EFEMP1: variants seen among roughly 807,000 people sequenced by gnomAD.
EFEMP1 encodes the protein EGF-containing fibulin-like extracellular matrix protein 1.
In EFEMP1, 18 loss-of-function variants were observed where a neutral mutation model predicts 65.7. The observed-to-expected ratio is 0.27, with a 90% CI of 0.19 to 0.41. EFEMP1 has a LOEUF of 0.41. Ranked by LOEUF, EFEMP1 falls within the 10% of genes least tolerant of loss-of-function variation. The pLI, the probability that EFEMP1 is intolerant of heterozygous loss-of-function variation, is 1.00. For synonymous variants in EFEMP1, 237 were observed against 219.7 expected, an observed-to-expected ratio of 1.08 and a Z score of -0.70; for missense variants, 469 against 624.8, an observed-to-expected ratio of 0.75 and a Z score of 2.66.
Position 55,918,271 on chromosome 2 carries a change from TG to T in EFEMP1, c.82-5del, listed in dbSNP as rs1196748010. On this transcript the variant is annotated splice_region_variant and splice_polypyrimidine_tract_variant and intron_variant, in intron 3 of 11. Transcript: ENST00000355426. ...ACTCATATCCGTCAGTGCATTGCTG[TG>T]AAGAAAACATCAAAGGTGGGGCCAG... The T allele has an allele frequency of 6.2e-7, 1 of 1,614,072 alleles. No homozygotes were observed. The highest frequency in any genetic ancestry group is 1.7e-5 in the Admixed American group (1 of 60,010).
intron 5 of EFEMP1, among the ~76,000 whole-genome samples, chr2:55,909,050 G>A (rs1021527280): frequency 1.8e-4 from 28 of 152,104 alleles, no homozygotes; most frequent in African/African-American, 6.8e-4. Flanking sequence ...CGGGGACAAG[G>A]TATCTGAGAC....
At chr2:55,881,834 A>G (rs1429940182) in intron 5 of EFEMP1, 100 bp from the exon 6 acceptor site, 2 of 1,393,594 alleles carry the variant, frequency 1.4e-6, no homozygotes, top group South Asian at 1.2e-5. Context: ...CTTTATTCTT[A>G]AAAGTTTATA....
At position 55,922,463 on chromosome 2, in the gene EFEMP1, G is replaced by C; in HGVS notation, c.-7-16C>G. The C allele has an allele frequency of 1.2e-6, 2 of 1,608,644 alleles. No homozygotes were observed. The highest frequency in any genetic ancestry group is 1.1e-5 in the South Asian group (1 of 90,934). On this transcript the variant is annotated splice_polypyrimidine_tract_variant and intron_variant, in intron 2 of 11. Coordinates refer to ENST00000355426, the MANE Select transcript of EFEMP1 (RefSeq NM_001039348.3). This position sits in a 1 kb window ranked among gnomAD's most constrained non-coding sequence, Gnocchi z 5.5. ...CATTGTGAATCTCAAAGAAAATACA[G>C]GACAAACTAATGTTTAGTATCTGCT... is the stretch of plus-strand genomic sequence containing the variant.
intron 6 of EFEMP1, among the ~76,000 whole-genome samples, chr2:55,879,736 C>T (rs1160083322): frequency 6.6e-6 from 1 of 152,156 alleles, no homozygotes; most frequent in African/African-American, 2.4e-5. Context: ...CTGACTGCTG[C>T]TGGTTCATGG....
chr2:55,885,000 G>C (rs1669374479), intron 5 of EFEMP1, among the ~76,000 whole-genome samples: 1 of 152,200 alleles, frequency 6.6e-6, no homozygotes, highest in African/African-American at 2.4e-5. Flanking sequence ...AGTAGGATCA[G>C]TGTTTTACCT....
At chr2:55,879,113 G>A (rs890417102) in intron 6 of EFEMP1, among the ~76,000 whole-genome samples, 6 of 152,070 alleles carry the variant, frequency 3.9e-5, no homozygotes, top group African/African-American at 1.4e-4. Context: ...GTCCTTAACA[G>A]TACTCGACAT....
In EFEMP1 at chr2:55,885,843, CTA is replaced by C. The variant is rs1669402730; in HGVS notation, c.518-4111_518-4110del. Among the ~76,000 whole-genome samples the C allele has an allele frequency of 6.6e-6, 1 of 152,186 alleles. No individual in the cohort carries two copies. On this transcript the variant is annotated intron_variant, in intron 5 of 11. Coordinates refer to ENST00000355426, the MANE Select transcript of EFEMP1 (RefSeq NM_001039348.3). This position sits in a 1 kb window ranked among gnomAD's most constrained non-coding sequence, Gnocchi z 4.3. Reference sequence around the variant, plus strand: ...AAGTCCCTGCTTAGGCCCTCATTCTCTATGTTTTTGGCTCCTTCCCTTCAGTC... The same window carrying C: ...AAGTCCCTGCTTAGGCCCTCATTCTCTGTTTTTGGCTCCTTCCCTTCAGTC...
At chr2:55,904,987 T>C (rs1242352753) in intron 5 of EFEMP1, among the ~76,000 whole-genome samples, 1 of 143,132 alleles carries the variant, frequency 7.0e-6, no homozygotes, top group African/African-American at 2.6e-5. Flanking sequence ...TTCTTTTTCT[T>C]TTTTTTTTTT....
At position 55,920,693 on chromosome 2, in the gene EFEMP1, A is replaced by G. The variant is rs1056046126; in HGVS notation, c.81+1667T>C. On this transcript the variant is annotated intron_variant, in intron 3 of 11. Coordinates refer to ENST00000355426, the MANE Select transcript of EFEMP1 (RefSeq NM_001039348.3). ...TATTAAGTAAGCCTAGACTGAGTTT[A>G]GCTTCACCACTTGGCTATGTAGCCC... Among the ~76,000 whole-genome samples the G allele has an allele frequency of 4.6e-5, 7 of 152,262 alleles. No individual in the cohort carries two copies. In the South Asian group the frequency reaches 8.3e-4, roughly 18 times the overall value.
At chr2:55,894,923 A>G (rs1237438117) in intron 5 of EFEMP1, among the ~76,000 whole-genome samples, 1 of 152,210 alleles carries the variant, frequency 6.6e-6, no homozygotes, top group South Asian at 2.1e-4. Flanking sequence ...ATCAATCATC[A>G]TCCTACATTT....
chr2:55,920,526 T>C (rs1670876118), intron 3 of EFEMP1, among the ~76,000 whole-genome samples: 1 of 152,276 alleles, frequency 6.6e-6, no homozygotes, highest in Admixed American at 6.5e-5. Flanking sequence ...GAGGCTATTA[T>C]GTGGATACGA....
rs1670853377 is a variant in EFEMP1 at position 55,919,835 on chromosome 2, A to G, written c.82-1568T>C. On this transcript the variant is annotated intron_variant, in intron 3 of 11. Coordinates refer to ENST00000355426, the MANE Select transcript of EFEMP1 (RefSeq NM_001039348.3). This position sits in a 1 kb window ranked among gnomAD's most constrained non-coding sequence, Gnocchi z 4.5. ...TACCTTTTTCGAAACCCAGGATTCC[A>G]ACTTTAACATCAGTGCTGAATGCTC... is the stretch of plus-strand genomic sequence containing the variant. Among the ~76,000 whole-genome samples the G allele has an allele frequency of 2.6e-5, 4 of 152,290 alleles. No homozygotes were observed. In the South Asian group the frequency reaches 8.3e-4, roughly 32 times the overall value.
At position 55,885,050 on chromosome 2, in the gene EFEMP1, A is replaced by G. The variant is rs1481166376; in HGVS notation, c.518-3316T>C. Among the ~76,000 whole-genome samples the G allele has an allele frequency of 1.3e-5, 2 of 152,230 alleles. No individual in the cohort carries two copies. The highest frequency in any genetic ancestry group is 2.1e-4 in the South Asian group (1 of 4,832). On this transcript the variant is annotated intron_variant, in intron 5 of 11. Coordinates refer to ENST00000355426, the MANE Select transcript of EFEMP1 (RefSeq NM_001039348.3). The surrounding 1 kb of genome is among the most constrained non-coding windows in gnomAD (Gnocchi z 4.3). ...TGTATGAAGCAGAGTAACAAGGTAT[A>G]TCTGAGAAACACAGCAAAATCAGTA...
chr2:55,920,319 G>A (rs990515165), intron 3 of EFEMP1, among the ~76,000 whole-genome samples: 3 of 152,218 alleles, frequency 2.0e-5, no homozygotes, highest in Non-Finnish European at 4.4e-5. Context: ...TGTATAATCT[G>A]TATAATAGTA....
chr2:55,922,920 G>A lies in EFEMP1; in HGVS notation c.-29C>T, dbSNP rs1031031649. 1.8e-5 allele frequency: 19 copies of A among 1,051,420 alleles called. No individual in the cohort carries two copies. Among genetic ancestry groups the A allele is most frequent in the Non-Finnish European group, 2.1e-5 (18 of 869,732 alleles). 65.1% of individuals were successfully genotyped at this position (1,051,420 alleles called of 1,614,324 possible). ...TCACCTTGAGCTAGCAGAGTTCCTTGCACAGCACAGCAAAAATACCTGTGA... is the reference window on the plus strand; with the variant it reads ...TCACCTTGAGCTAGCAGAGTTCCTTACACAGCACAGCAAAAATACCTGTGA... On this transcript the variant is annotated 5_prime_UTR_variant, in exon 2 of 12. Coordinates refer to ENST00000355426, the MANE Select transcript of EFEMP1 (RefSeq NM_001039348.3). This position sits in a 1 kb window ranked among gnomAD's most constrained non-coding sequence, Gnocchi z 5.5.
Position 55,871,052 on chromosome 2 carries a change from G to A in EFEMP1, c.1072C>T (p.Arg358Cys), listed in dbSNP as rs765589888. 12 of 1,613,562 alleles carry A rather than the reference G, an allele frequency of 7.4e-6. No homozygotes were observed. The highest frequency in any genetic ancestry group is 1.0e-5 in the Non-Finnish European group (12 of 1,179,800). ...TGACAAGGATTTCGTGGATAACAACGGAAGCCGCCATGATAATTCCAACAC... is the reference window on the plus strand; with the variant it reads ...TGACAAGGATTTCGTGGATAACAACAGAAGCCGCCATGATAATTCCAACAC... Reference protein sequence around the residue: ...EMCWNYHGGFRCYPRNPCQDP... With the variant: ...EMCWNYHGGFCCYPRNPCQDP... The change falls in exon 10 of 12, where the codon CGT becomes TGT. Residue 358 changes from arginine to cysteine, a missense_variant. Physicochemically the swap from Arg to Cys is radical, Grantham distance 180 (BLOSUM62 -3). This residue lies in a region of EFEMP1 where 399 missense variants were observed against 528.2 expected (regional missense o/e 0.76). Coordinates refer to ENST00000355426, the MANE Select transcript of EFEMP1 (RefSeq NM_001039348.3). This position sits in a 1 kb window ranked among gnomAD's most constrained non-coding sequence, Gnocchi z 4.2.
At chr2:55,889,905 T>C (rs1430192) in intron 5 of EFEMP1, among the ~76,000 whole-genome samples, 96,857 of 150,842 alleles carry the variant, frequency 0.64, 33,080 homozygotes, top group East Asian at 0.9. Flanking sequence ...AGGAAGAAGG[T>C]AAGAAAACAA....
At chr2:55,868,925 T>C (rs1391352315) in intron 11 of EFEMP1, among the ~76,000 whole-genome samples, 1 of 152,176 alleles carries the variant, frequency 6.6e-6, no homozygotes, top group Non-Finnish European at 1.5e-5. Context: ...AGAAACTCTG[T>C]AGGATTTGAT....
At chr2:55,884,542 C>T (rs1343669306) in intron 5 of EFEMP1, among the ~76,000 whole-genome samples, 1 of 152,186 alleles carries the variant, frequency 6.6e-6, no homozygotes, top group Admixed American at 6.5e-5. Context: ...TTGCTCCTGA[C>T]TTCCCATAGT....
Sources: allele counts gnomAD v4.1 joint callset (sites outside exome capture counted in the v4.1 genomes callset), GRCh38; gene constraint gnomAD v4.1.1; regional missense constraint gnomAD v4.1.1; non-coding constraint Gnocchi (gnomAD v3.1); transcripts MANE v1.5; gene names NCBI Gene and HGNC (gene_info 2026-07-23, HGNC 2026-07-21).